Variants in DPP10 observed in about 807,000 individuals in gnomAD.
The protein encoded by DPP10 is inactive dipeptidyl peptidase 10.
In DPP10, 33 loss-of-function variants were observed where a neutral mutation model predicts 120.9. The observed-to-expected ratio is 0.27, with a 90% CI of 0.21 to 0.37. The LOEUF is 0.37. Among genes scored for constraint, DPP10 ranks in the 10% least tolerant of loss-of-function variants. The pLI, the probability that DPP10 is intolerant of heterozygous loss-of-function variation, is 1.00. For missense variants in DPP10, 816 were observed against 942.8 expected (o/e 0.87, Z 1.76); for synonymous variants, 337 against 326.1 (o/e 1.03, Z -0.36).
At chr2:115,542,932 G>A (rs1428661013) in intron 5 of DPP10, among the ~76,000 whole-genome samples, 1 of 151,720 alleles carries the variant, frequency 6.6e-6, no homozygotes, top group Non-Finnish European at 1.5e-5. Flanking sequence ...CTTTTAAAAA[G>A]ATTTCCATTT....
chr2:114,801,275 A>AG (rs71394110), intron 1 of DPP10, among the ~76,000 whole-genome samples: 1 of 95,234 alleles, frequency 1.1e-5, no homozygotes, highest in Admixed American at 1.2e-4. Flanking sequence ...AAAAAAAAAA[A>AG]AAAAGAAAAA....
chr2:114,464,879 TAATA>T (rs1200323172), intron 1 of DPP10, among the ~76,000 whole-genome samples: 6 of 152,032 alleles, frequency 3.9e-5, no homozygotes, highest in South Asian at 2.1e-4. Flanking sequence ...AAATAATAAA[TAATA>T]AATAAATAAT....
intron 1 of DPP10, among the ~76,000 whole-genome samples, chr2:114,758,499 T>G (rs1285327279): frequency 6.6e-6 from 1 of 152,226 alleles, no homozygotes; most frequent in Non-Finnish European, 1.5e-5. Context: ...CTGAGTAAGT[T>G]ATACAGTAAT....
chr2:115,609,800 T>G lies in DPP10; in HGVS notation c.442-79887T>G, dbSNP rs558824829. On this transcript the variant is annotated intron_variant, in intron 5 of 25. Transcript: ENST00000410059. ...TTAATGGCTCAGCTGTGAATAATATTTATAAGGTCATGAATAGTGAAACGA... is the reference window on the plus strand; with the variant it reads ...TTAATGGCTCAGCTGTGAATAATATGTATAAGGTCATGAATAGTGAAACGA... Among the ~76,000 whole-genome samples, 30 of 152,224 alleles carry G rather than the reference T, an allele frequency of 2.0e-4. No homozygotes were observed. The South Asian group carries it at 6.2e-3, about 32-fold the overall frequency.
At chr2:115,659,788 G>C (rs1345831193) in intron 5 of DPP10, among the ~76,000 whole-genome samples, 1 of 152,114 alleles carries the variant, frequency 6.6e-6, no homozygotes, top group African/African-American at 2.4e-5. Flanking sequence ...AAAATGATCA[G>C]TTTTCATTTG....
chr2:115,735,551 T>C (rs956872980), intron 8 of DPP10, among the ~76,000 whole-genome samples: 2 of 151,784 alleles, frequency 1.3e-5, no homozygotes, highest in African/African-American at 2.4e-5. Context: ...GACAGAGTCT[T>C]GCTCTGTTGC....
chr2:114,969,539 CT>C (rs942224504), intron 1 of DPP10, among the ~76,000 whole-genome samples: 8 of 152,126 alleles, frequency 5.3e-5, no homozygotes. Flanking sequence ...TTATAAACCC[CT>C]TGGATTGATA....
intron 1 of DPP10, among the ~76,000 whole-genome samples, chr2:114,937,779 G>C (rs1574523299): frequency 6.6e-6 from 1 of 152,188 alleles, no homozygotes; most frequent in East Asian, 1.9e-4. Flanking sequence ...GCAAGGTCGG[G>C]CCTGGCTAGT....
intron 1 of DPP10, among the ~76,000 whole-genome samples, chr2:115,155,038 C>T (rs11123283): frequency 0.12 from 18,243 of 151,716 alleles, 1,453 homozygotes; most frequent in East Asian, 0.3. Context: ...ATTACAGTCA[C>T]GTACCACCAC....
intron 1 of DPP10, among the ~76,000 whole-genome samples, chr2:115,011,435 C>T (rs1702255665): frequency 6.6e-6 from 1 of 151,914 alleles, no homozygotes; most frequent in South Asian, 2.1e-4. Context: ...CATTTTTGAC[C>T]CATGTATTTT....
intron 1 of DPP10, among the ~76,000 whole-genome samples, chr2:114,900,254 C>T (rs13395704): frequency 1.1e-3 from 165 of 152,254 alleles, no homozygotes; most frequent in Admixed American, 6.1e-3. Context: ...AATTCTTGTA[C>T]GTGTCTCCTG....
At chr2:115,068,864 G>A (rs9646929) in intron 1 of DPP10, among the ~76,000 whole-genome samples, 148,620 of 152,238 alleles carry the variant, frequency 0.98, 72,646 homozygotes, top group Middle Eastern at 1. Context: ...TCGAAGATCT[G>A]TTGACAATAA....
intron 1 of DPP10, among the ~76,000 whole-genome samples, chr2:115,205,904 T>A (rs998329151): frequency 6.6e-6 from 1 of 152,122 alleles, no homozygotes; most frequent in African/African-American, 2.4e-5. Flanking sequence ...GTACAAGGAT[T>A]GAAAAACTGC....
At chr2:115,722,119 C>G (rs1351312539) in intron 7 of DPP10, among the ~76,000 whole-genome samples, 1 of 151,976 alleles carries the variant, frequency 6.6e-6, no homozygotes, top group East Asian at 1.9e-4. Flanking sequence ...TGGGAAGTTA[C>G]TAATCAACCG....
At chr2:114,807,658 A>G (rs1239973080) in intron 1 of DPP10, among the ~76,000 whole-genome samples, 6 of 152,182 alleles carry the variant, frequency 3.9e-5, no homozygotes, top group Non-Finnish European at 7.4e-5. Flanking sequence ...TGATATACGT[A>G]TCTATGTTGC....
At chr2:114,524,905 C>A (rs921098133) in intron 1 of DPP10, among the ~76,000 whole-genome samples, 4 of 152,270 alleles carry the variant, frequency 2.6e-5, no homozygotes, top group Admixed American at 6.5e-5. Flanking sequence ...CCTTCTTCCT[C>A]TGGAGATTTT....
At chr2:115,531,546 G>A (rs1432216088) in intron 5 of DPP10, among the ~76,000 whole-genome samples, 3 of 152,016 alleles carry the variant, frequency 2.0e-5, no homozygotes, top group Non-Finnish European at 1.5e-5. Flanking sequence ...TGTTGCTCTA[G>A]TAACAAATTT....
intron 5 of DPP10, among the ~76,000 whole-genome samples, chr2:115,675,168 TAA>T (rs2090162029): frequency 6.6e-6 from 1 of 152,168 alleles, no homozygotes. Context: ...CAAACAAAGT[TAA>T]GTCATGTGTT....
chr2:114,889,874 A>G (rs898015870), intron 1 of DPP10, among the ~76,000 whole-genome samples: 28 of 152,352 alleles, frequency 1.8e-4, no homozygotes, highest in Admixed American at 9.1e-4. Context: ...ACAGAAATAC[A>G]TGCTGTATAC....
Sources: allele counts gnomAD v4.1 joint callset (sites outside exome capture counted in the v4.1 genomes callset), GRCh38; gene constraint gnomAD v4.1.1; transcripts MANE v1.5; gene names NCBI Gene and HGNC (gene_info 2026-07-23, HGNC 2026-07-21).